ZC3H13: variants seen among roughly 807,000 people sequenced by gnomAD.
The protein encoded by ZC3H13 is zinc finger CCCH-type containing 13, also known as zinc finger CCCH domain-containing protein 13.
ZC3H13 carries 64 observed loss-of-function variants against 204.1 expected under a neutral mutation model. The observed-to-expected ratio is 0.31, with a 90% confidence interval of 0.26 to 0.39. The LOEUF is 0.39. ZC3H13 is among the 10% of genes least tolerant of loss of function. The pLI is 1.00. For synonymous variants in ZC3H13, 667 were observed against 693.7 expected, an observed-to-expected ratio of 0.96 and a Z score of 0.60; for missense variants, 1,833 against 2,082.7, an observed-to-expected ratio of 0.88 and a Z score of 2.33.
At position 45,979,261 on chromosome 13, in the gene ZC3H13, G is replaced by A. The variant is rs566956863; in HGVS notation, c.1912+552C>T. ...TCATTTAAGAGATCACCTGATAGAT[G>A]AACAGAAAAAGTTTTAGCTTAAGAC... On this transcript the variant is annotated intron_variant, in intron 11 of 18. Transcript: ENST00000679008. Among the ~76,000 whole-genome samples, 6 of 152,144 alleles carry A rather than the reference G, an allele frequency of 3.9e-5. No homozygotes were observed. The South Asian group carries it at 8.3e-4, about 21-fold the overall frequency.
At chr13:46,023,695 A>G (rs551468366) in intron 4 of ZC3H13, among the ~76,000 whole-genome samples, 1 of 152,304 alleles carries the variant, frequency 6.6e-6, no homozygotes, top group South Asian at 2.1e-4. Context: ...TTGAACTATT[A>G]TTTCACATAA....
intron 5 of ZC3H13, among the ~76,000 whole-genome samples, chr13:46,015,825 T>C (rs1035898308): frequency 1.3e-5 from 2 of 152,070 alleles, no homozygotes; most frequent in African/African-American, 4.8e-5. Context: ...TTTATTCTTT[T>C]AAAAGACTGT....
chr13:45,981,309 T>C (rs889201140), intron 10 of ZC3H13, among the ~76,000 whole-genome samples: 6 of 152,206 alleles, frequency 3.9e-5, no homozygotes, highest in African/African-American at 7.2e-5. Context: ...ACAAAGGACA[T>C]GAACTCATCA....
At chr13:46,014,737 T>C (rs1431350719) in intron 5 of ZC3H13, among the ~76,000 whole-genome samples, 1 of 152,184 alleles carries the variant, frequency 6.6e-6, no homozygotes, top group Non-Finnish European at 1.5e-5. Flanking sequence ...TTCCCTTATA[T>C]TCCTCCTACA....
At chr13:45,987,539 CAA>C in intron 9 of ZC3H13, among the ~76,000 whole-genome samples, 1 of 150,372 alleles carries the variant, frequency 6.7e-6, no homozygotes, top group Middle Eastern at 3.4e-3. Context: ...ATCATACATA[CAA>C]AAAAAAAATT....
chr13:46,004,151 T>TGC (rs1348255282), intron 7 of ZC3H13, among the ~76,000 whole-genome samples: 2 of 151,974 alleles, frequency 1.3e-5, no homozygotes, highest in South Asian at 2.1e-4. Context: ...TGTGTGTGTG[T>TGC]GTGTGTGTGT....
intron 4 of ZC3H13, among the ~76,000 whole-genome samples, chr13:46,023,194 CA>C (rs1041538714): frequency 7.2e-5 from 11 of 152,268 alleles, no homozygotes; most frequent in African/African-American, 2.6e-4. Context: ...CTATGCAGAA[CA>C]ATTTTCCACA....
intron 1 of ZC3H13, among the ~76,000 whole-genome samples, chr13:46,051,338 T>C (rs1244490215): frequency 1.3e-5 from 2 of 152,228 alleles, no homozygotes; most frequent in Non-Finnish European, 2.9e-5. Context: ...GTGAAAGCCT[T>C]AGTTTCAGAG....
intron 4 of ZC3H13, among the ~76,000 whole-genome samples, chr13:46,029,738 ACTT>A (rs1389695824): frequency 6.6e-6 from 1 of 152,062 alleles, no homozygotes; most frequent in Non-Finnish European, 1.5e-5. Flanking sequence ...GAGATGGACT[ACTT>A]CTTAACTCAT....
At chr13:45,991,715 C>G (rs1442577638) in intron 8 of ZC3H13, among the ~76,000 whole-genome samples, 2 of 152,090 alleles carry the variant, frequency 1.3e-5, no homozygotes, top group African/African-American at 4.8e-5. Context: ...AAGCTTAATA[C>G]CTTAAAACAA....
intron 4 of ZC3H13, among the ~76,000 whole-genome samples, chr13:46,041,901 A>AC (rs1393547906): frequency 1.3e-5 from 2 of 152,026 alleles, no homozygotes; most frequent in Non-Finnish European, 2.9e-5. Context: ...AAGGATCCCT[A>AC]CTAAGGGATC....
intron 5 of ZC3H13, among the ~76,000 whole-genome samples, chr13:46,018,932 A>C (rs111425850): frequency 6.6e-6 from 1 of 152,182 alleles, no homozygotes; most frequent in Admixed American, 6.5e-5. Context: ...AGCTCTCCAA[A>C]CTTGAACAGT....
intron 5 of ZC3H13, among the ~76,000 whole-genome samples, chr13:46,017,428 T>C (rs1163461409): frequency 6.6e-6 from 1 of 152,158 alleles, no homozygotes; most frequent in Non-Finnish European, 1.5e-5. Flanking sequence ...AATCTACCTA[T>C]CAACTATTAA....
intron 4 of ZC3H13, among the ~76,000 whole-genome samples, chr13:46,029,254 G>C (rs1430358443): frequency 6.6e-6 from 1 of 152,042 alleles, no homozygotes; most frequent in Admixed American, 6.5e-5. Context: ...CACACAAGGA[G>C]AAACAAGCAA....
In ZC3H13 at chr13:46,027,463, T is replaced by TA. The variant is rs1395931045; in HGVS notation, c.340-6907dup. Among the ~76,000 whole-genome samples the TA allele has an allele frequency of 2.6e-5, 4 of 152,180 alleles. No individual in the cohort carries two copies. In the East Asian group the frequency reaches 5.8e-4, roughly 22 times the overall value. On this transcript the variant is annotated intron_variant, in intron 4 of 18. Coordinates refer to ENST00000679008, the MANE Select transcript of ZC3H13 (RefSeq NM_001330564.2). ...CTCTATGCAAACAAGTTTGAAAACTTACATGAAAAACGGCTGAAATTTCTA... is the reference window on the plus strand; with the variant it reads ...CTCTATGCAAACAAGTTTGAAAACTTAACATGAAAAACGGCTGAAATTTCTA...
At chr13:46,030,750 T>C (rs74072669) in intron 4 of ZC3H13, among the ~76,000 whole-genome samples, 2,263 of 152,216 alleles carry the variant, frequency 0.015, 20 homozygotes, top group South Asian at 0.053. Context: ...TCTAGCAAAA[T>C]ATGCATAAGA....
At chr13:45,959,088 T>TTA (rs1019001138) in intron 18 of ZC3H13, among the ~76,000 whole-genome samples, 1 of 152,206 alleles carries the variant, frequency 6.6e-6, no homozygotes, top group Admixed American at 6.5e-5. Flanking sequence ...TCTCAAATGC[T>TTA]TATATAGAGT....
intron 3 of ZC3H13, among the ~76,000 whole-genome samples, chr13:46,043,066 G>C (rs1038004688): frequency 6.6e-6 from 1 of 151,904 alleles, no homozygotes; most frequent in Non-Finnish European, 1.5e-5. Flanking sequence ...AAACAAAGGA[G>C]AGATGGAAAA....
intron 4 of ZC3H13, among the ~76,000 whole-genome samples, chr13:46,021,145 A>T (rs2042196114): frequency 6.6e-6 from 1 of 152,012 alleles, no homozygotes; most frequent in African/African-American, 2.4e-5. Flanking sequence ...AGTATTATAA[A>T]GGTTTACAAA....
Sources: gnomAD v4.1 joint callset for allele counts (sites outside exome capture counted in the v4.1 genomes callset) on GRCh38, gnomAD v4.1.1 for gene constraint, MANE v1.5 for transcripts, NCBI Gene and HGNC (gene_info 2026-07-23, HGNC 2026-07-21) for gene names.